Variants in KHDRBS2 observed in about 807,000 individuals in gnomAD.
KHDRBS2 encodes the protein KH domain-containing, RNA-binding, signal transduction-associated protein 2.
In KHDRBS2, 26 loss-of-function variants were observed where a neutral mutation model predicts 44.3. The ratio of observed to expected loss-of-function variants is 0.59; its 90% CI spans 0.43 to 0.81. KHDRBS2 has a LOEUF of 0.81. KHDRBS2 is among the 40% of genes least tolerant of loss of function. The pLI is 0.00. For synonymous variants in KHDRBS2, 194 were observed against 151.1 expected (o/e 1.28, Z -2.08); for missense variants, 476 against 433.1 (o/e 1.10, Z -0.88).
intron 2 of KHDRBS2, among the ~76,000 whole-genome samples, chr6:62,123,376 T>C (rs1277057002): frequency 1.3e-5 from 2 of 152,258 alleles, no homozygotes; most frequent in Non-Finnish European, 2.9e-5. Flanking sequence ...CATGTGTCTT[T>C]ATCACAGCAT....
At chr6:62,002,849 TGTTAA>T (rs1370051229) in intron 3 of KHDRBS2, among the ~76,000 whole-genome samples, 2 of 151,900 alleles carry the variant, frequency 1.3e-5, no homozygotes, top group Non-Finnish European at 2.9e-5. Context: ...ATATCCTACA[TGTTAA>T]GTTAAAATAT....
intron 2 of KHDRBS2, among the ~76,000 whole-genome samples, chr6:62,142,586 C>T (rs1362447401): frequency 6.6e-6 from 1 of 151,772 alleles, no homozygotes; most frequent in Admixed American, 6.6e-5. Flanking sequence ...CTCTAGAACA[C>T]CACAATGAAA....
the KHDRBS2 span, among the ~76,000 whole-genome samples, chr6:61,620,586 G>C: frequency 6.6e-6 from 1 of 152,318 alleles, no homozygotes; most frequent in Non-Finnish European, 1.5e-5. Context: ...AACATTTACA[G>C]AGAGTAAGTG....
chr6:61,852,483 G>T (rs1253751603), intron 6 of KHDRBS2, among the ~76,000 whole-genome samples: 1 of 150,818 alleles, frequency 6.6e-6, no homozygotes, highest in African/African-American at 2.4e-5. Context: ...AGAATCATTT[G>T]AACCCGGGAG....
chr6:62,147,983 A>G (rs548134621), intron 2 of KHDRBS2, among the ~76,000 whole-genome samples: 1 of 152,164 alleles, frequency 6.6e-6, no homozygotes, highest in Non-Finnish European at 1.5e-5. Context: ...ATGTAGAAAA[A>G]ATGTTAAATA....
rs183778022 is a variant in KHDRBS2 at position 61,870,186 on chromosome 6, G to A, written c.810+24449C>T. On this transcript the variant is annotated intron_variant, in intron 6 of 8. Coordinates refer to ENST00000281156, the MANE Select transcript of KHDRBS2 (RefSeq NM_152688.4). ...AGTCTGAGATGGACCTGGGATGCTC[G>A]AGCTTGGTGGCGGTGTGGAGCGGGG... 7.2e-5 allele frequency among the ~76,000 whole-genome samples: 11 copies of A among 152,202 alleles called. No homozygotes were observed. The East Asian group carries it at 1.6e-3, about 22-fold the overall frequency.
At chr6:62,065,699 G>T (rs1793480112) in intron 2 of KHDRBS2, among the ~76,000 whole-genome samples, 1 of 148,366 alleles carries the variant, frequency 6.7e-6, no homozygotes, top group Admixed American at 6.7e-5. Context: ...CGAGTTAGTG[G>T]GTGCAGCGCA....
intron 7 of KHDRBS2, among the ~76,000 whole-genome samples, chr6:61,723,860 A>C (rs1773110668): frequency 6.6e-6 from 1 of 152,170 alleles, no homozygotes; most frequent in Admixed American, 6.6e-5. Context: ...GGGTACCTGA[A>C]GGAGAGGGAG....
At chr6:62,185,628 G>C (rs938245702) in intron 1 of KHDRBS2, among the ~76,000 whole-genome samples, 2 of 151,924 alleles carry the variant, frequency 1.3e-5, no homozygotes, top group Non-Finnish European at 2.9e-5. Context: ...TTAACTGCTA[G>C]ACAATTTAAA....
intron 2 of KHDRBS2, among the ~76,000 whole-genome samples, chr6:62,059,843 G>A (rs1791312984): frequency 6.6e-6 from 1 of 151,740 alleles, no homozygotes; most frequent in African/African-American, 2.4e-5. Flanking sequence ...AAATAAGGAA[G>A]AAGGGTAAAT....
Position 61,812,017 on chromosome 6 carries a change from G to A in KHDRBS2, c.811-79253C>T, listed in dbSNP as rs546942758. Among the ~76,000 whole-genome samples the A allele has an allele frequency of 2.0e-5, 3 of 151,940 alleles. No homozygotes were observed. The South Asian group carries it at 6.3e-4, about 32-fold the overall frequency. On this transcript the variant is annotated intron_variant, in intron 6 of 8. Coordinates refer to ENST00000281156, the MANE Select transcript of KHDRBS2 (RefSeq NM_152688.4). ...ATTATTATTGTAAAAAGTTAATGAA[G>A]TTCATATCTTTATCTTATAGCATAT...
intron 6 of KHDRBS2, among the ~76,000 whole-genome samples, chr6:61,773,716 C>A (rs929918777): frequency 7.9e-5 from 12 of 151,678 alleles, no homozygotes; most frequent in Non-Finnish European, 1.2e-4. Flanking sequence ...GAAGTCCTTG[C>A]CCATGCCTAT....
Position 62,176,841 on chromosome 6 carries a change from C to T in KHDRBS2, c.219+344G>A, listed in dbSNP as rs531063163. Among the ~76,000 whole-genome samples the T allele has an allele frequency of 1.2e-4, 18 of 151,216 alleles. No homozygotes were observed. The South Asian group carries it at 2.7e-3, about 23-fold the overall frequency. On this transcript the variant is annotated intron_variant, in intron 2 of 8. Coordinates refer to ENST00000281156, the MANE Select transcript of KHDRBS2 (RefSeq NM_152688.4). ...ATATTTAGTATTATTAACTCTACTC[C>T]GTTTTATAGTAAGGATATACATTTT... is the stretch of plus-strand genomic sequence containing the variant.
intron 2 of KHDRBS2, among the ~76,000 whole-genome samples, chr6:62,147,076 T>G (rs986999649): frequency 6.6e-6 from 1 of 152,018 alleles, no homozygotes; most frequent in African/African-American, 2.4e-5. Context: ...CATGACTATA[T>G]GCACATTTAT....
Position 61,743,099 on chromosome 6 carries a change from T to C in KHDRBS2, c.811-10335A>G, listed in dbSNP as rs113936694. ...TTTCAATCAGCCCAGTAAAATCAAA[T>C]AACAAACCTCAAGAGACATACGTGG... On this transcript the variant is annotated intron_variant, in intron 6 of 8. Coordinates refer to ENST00000281156, the MANE Select transcript of KHDRBS2 (RefSeq NM_152688.4). 2.8e-3 allele frequency among the ~76,000 whole-genome samples: 432 copies of C among 152,070 alleles called. 5 individuals are homozygous for C. The highest frequency in any genetic ancestry group is 0.01 in the African/African-American group (417 of 41,524).
At chr6:62,092,238 C>A (rs1799626745) in intron 2 of KHDRBS2, among the ~76,000 whole-genome samples, 2 of 151,998 alleles carry the variant, frequency 1.3e-5, no homozygotes, top group African/African-American at 4.8e-5. Flanking sequence ...GCCTGCAACC[C>A]CACTGCATAA....
chr6:61,646,695 G>C, the KHDRBS2 span, among the ~76,000 whole-genome samples: 1 of 151,944 alleles, frequency 6.6e-6, no homozygotes, highest in Non-Finnish European at 1.5e-5. Context: ...TTACCTCCCA[G>C]AAAAACATAT....
intron 6 of KHDRBS2, among the ~76,000 whole-genome samples, chr6:61,845,308 TG>T (rs1306301020): frequency 2.1e-5 from 3 of 140,820 alleles, no homozygotes; most frequent in African/African-American, 2.7e-5. Flanking sequence ...TACAGTTCCT[TG>T]TTTTTTTTTT....
intron 6 of KHDRBS2, among the ~76,000 whole-genome samples, chr6:61,856,793 T>C (rs553598068): frequency 1.3e-5 from 2 of 152,202 alleles, no homozygotes; most frequent in African/African-American, 4.8e-5. Flanking sequence ...CTTTTAAGAC[T>C]GGCAGGCACT....
Sources: gnomAD v4.1 joint callset for allele counts (sites outside exome capture counted in the v4.1 genomes callset) on GRCh38, gnomAD v4.1.1 for gene constraint, MANE v1.5 for transcripts, NCBI Gene and HGNC (gene_info 2026-07-23, HGNC 2026-07-21) for gene names.